ATP10B: variants seen among roughly 807,000 people sequenced by gnomAD.
ATP10B encodes the protein ATPase phospholipid transporting 10B (putative).
A neutral mutation model predicts 141.2 loss-of-function variants in ATP10B; 122 were observed. The ratio of observed to expected loss-of-function variants is 0.86; its 90% confidence interval spans 0.75 to 1.00. ATP10B has a LOEUF of 1.00. Among genes scored for constraint, ATP10B ranks in the 50% least tolerant of loss-of-function variants. The pLI is 0.00. For missense variants in ATP10B, 1,876 were observed against 1,825.3 expected (o/e 1.03, Z -0.51); for synonymous variants, 685 against 692.0 (o/e 0.99, Z 0.16).
the ATP10B span, among the ~76,000 whole-genome samples, chr5:160,921,067 G>A: frequency 9.2e-5 from 14 of 152,150 alleles, no homozygotes; most frequent in Middle Eastern, 3.4e-3. Flanking sequence ...CACCTTCCCC[G>A]CTATGGTCCC....
chr5:160,618,309 C>T (rs1259784190), intron 15 of ATP10B, among the ~76,000 whole-genome samples: 1 of 152,188 alleles, frequency 6.6e-6, no homozygotes, highest in Non-Finnish European at 1.5e-5. Context: ...TTCTCAGGTC[C>T]AGTTAAAGCC....
intron 1 of ATP10B, among the ~76,000 whole-genome samples, chr5:160,836,951 A>AT (rs112350364): frequency 1.3e-4 from 20 of 151,864 alleles, no homozygotes; most frequent in African/African-American, 4.1e-4. Flanking sequence ...CCAAAAATGT[A>AT]TTTTTTTTCT....
chr5:160,807,503 A>G (rs941613678), intron 1 of ATP10B, among the ~76,000 whole-genome samples: 2 of 152,008 alleles, frequency 1.3e-5, no homozygotes, highest in African/African-American at 4.8e-5. Context: ...AGCACTCAAC[A>G]ATTGGATACT....
At chr5:160,892,586 T>C in the ATP10B span, among the ~76,000 whole-genome samples, 1 of 152,240 alleles carries the variant, frequency 6.6e-6, no homozygotes, top group Non-Finnish European at 1.5e-5. Flanking sequence ...AAACCTTGTA[T>C]TGCTTTTTCC....
chr5:160,669,771 T>G lies in ATP10B; in HGVS notation c.675+692A>C, dbSNP rs537615095. Reference sequence around the variant, plus strand: ...CCTGCCATCACGGGGCTGGCTATTTTTTAAATTTTTAGTAGAGACAGGGTT... The same window carrying G: ...CCTGCCATCACGGGGCTGGCTATTTGTTAAATTTTTAGTAGAGACAGGGTT... On this transcript the variant is annotated intron_variant, in intron 7 of 25. Coordinates refer to ENST00000327245, the MANE Select transcript of ATP10B (RefSeq NM_025153.3). 1.5e-4 allele frequency among the ~76,000 whole-genome samples: 23 copies of G among 151,758 alleles called. 1 individual carries two copies. The highest frequency in any genetic ancestry group is 5.1e-4 in the African/African-American group (21 of 41,360).
intron 2 of ATP10B, among the ~76,000 whole-genome samples, chr5:160,766,132 G>A (rs1769386695): frequency 6.9e-6 from 1 of 144,332 alleles, no homozygotes; most frequent in Non-Finnish European, 1.5e-5. Context: ...AACCGCTGTG[G>A]AAAACAGTAT....
At chr5:160,667,353 C>T (rs1296289995) in intron 7 of ATP10B, among the ~76,000 whole-genome samples, 5 of 152,142 alleles carry the variant, frequency 3.3e-5, no homozygotes, top group Admixed American at 6.5e-5. Flanking sequence ...GCCCCAGTTT[C>T]GTTTTGTATA....
chr5:160,920,547 A>G, the ATP10B span, among the ~76,000 whole-genome samples: 1 of 152,234 alleles, frequency 6.6e-6, no homozygotes, highest in Non-Finnish European at 1.5e-5. Context: ...TACATTGAGA[A>G]TTGAATCACA....
At chr5:160,664,934 ACAGAAGAGGTTTCAGGTAT>A (rs1345041726) in intron 7 of ATP10B, among the ~76,000 whole-genome samples, 1 of 152,222 alleles carries the variant, frequency 6.6e-6, no homozygotes. Context: ...AAACTCTTTT[ACAGAAGAGGTTTCAGGTAT>A]CAGAATGTCA....
intron 7 of ATP10B, among the ~76,000 whole-genome samples, chr5:160,658,202 G>A (rs938005833): frequency 4.6e-5 from 7 of 152,214 alleles, no homozygotes; most frequent in African/African-American, 1.7e-4. Flanking sequence ...TCAGATGGTG[G>A]TTGAGTAAAT....
intron 7 of ATP10B, among the ~76,000 whole-genome samples, chr5:160,667,488 CTT>C (rs991953558): frequency 1.7e-4 from 26 of 152,168 alleles, no homozygotes; most frequent in African/African-American, 5.8e-4. Context: ...AAAAAACACT[CTT>C]GAGCAAAGTG....
chr5:160,898,361 T>A, the ATP10B span, among the ~76,000 whole-genome samples: 5 of 152,102 alleles, frequency 3.3e-5, no homozygotes, highest in Non-Finnish European at 7.4e-5. Flanking sequence ...TCTCAAAAGA[T>A]GACATTTATG....
intron 5 of ATP10B, among the ~76,000 whole-genome samples, chr5:160,686,687 G>C (rs986312823): frequency 2.0e-5 from 3 of 152,144 alleles, no homozygotes; most frequent in Admixed American, 2.0e-4. Context: ...TTTAAATTCT[G>C]TTCCTGTTAT....
chr5:160,612,959 A>G (rs1343057287), intron 17 of ATP10B, 34 bp from the exon 18 acceptor site: 1 of 1,583,012 alleles, frequency 6.3e-7, no homozygotes, highest in South Asian at 1.2e-5. Flanking sequence ...GTTCACATTT[A>G]TCGTAAAAGA....
intron 9 of ATP10B, 71 bp downstream of exon 9, chr5:160,644,067 T>C (rs1049972431): frequency 1.6e-6 from 2 of 1,274,172 alleles, no homozygotes; most frequent in Non-Finnish European, 2.3e-6. Context: ...TGGTTCCCAT[T>C]GACTGAAGAT....
At chr5:160,883,842 T>A in the ATP10B span, among the ~76,000 whole-genome samples, 1 of 151,888 alleles carries the variant, frequency 6.6e-6, no homozygotes, top group East Asian at 1.9e-4. Flanking sequence ...TGAGTCATTA[T>A]GGCTGCTTTC....
chr5:160,611,019 A>C (rs1757691999), intron 18 of ATP10B, among the ~76,000 whole-genome samples: 1 of 152,212 alleles, frequency 6.6e-6, no homozygotes, highest in Non-Finnish European at 1.5e-5. Context: ...ACTACATTAA[A>C]CTAGGGTTTA....
intron 2 of ATP10B, among the ~76,000 whole-genome samples, chr5:160,727,757 C>T (rs1766459315): frequency 6.6e-6 from 1 of 152,064 alleles, no homozygotes; most frequent in Non-Finnish European, 1.5e-5. Context: ...AAGGTTAAAC[C>T]TACAGCCTGA....
intron 1 of ATP10B, among the ~76,000 whole-genome samples, chr5:160,840,360 G>C (rs1157278077): frequency 6.6e-6 from 1 of 151,958 alleles, no homozygotes; most frequent in African/African-American, 2.4e-5. Flanking sequence ...AATTAAAATA[G>C]TGTGGTAGTG....
Sources: allele counts gnomAD v4.1 joint callset (sites outside exome capture counted in the v4.1 genomes callset), GRCh38; gene constraint gnomAD v4.1.1; transcripts MANE v1.5; gene names NCBI Gene and HGNC (gene_info 2026-07-23, HGNC 2026-07-21).